Variants in FLII observed in about 807,000 individuals in gnomAD.
The protein encoded by FLII is FLII actin remodeling protein.
A neutral mutation model predicts 156.2 loss-of-function variants in FLII; 101 were observed. The ratio of observed to expected loss-of-function variants is 0.65; its 90% CI spans 0.55 to 0.76. FLII has a LOEUF of 0.76. Among genes scored for constraint, FLII ranks in the 30% least tolerant of loss-of-function variants. The probability of loss-of-function intolerance (pLI) is 0.00; values close to 1 mark genes in which losing one functional copy is unlikely to be tolerated. For synonymous variants in FLII, 767 were observed against 685.8 expected (o/e 1.12, Z -1.85); for missense variants, 1,675 against 1,682.8 (o/e 1.00, Z 0.08).
Position 18,248,654 on chromosome 17 carries a change from C to T in FLII, c.2086G>A (p.Gly696Ser), listed in dbSNP as rs753829803. 3.1e-6 allele frequency: 5 copies of T among 1,614,006 alleles called. No individual in the cohort carries two copies. Among genetic ancestry groups the T allele is most frequent in the Non-Finnish European group, 4.2e-6 (5 of 1,179,966 alleles). ...TCCCAGAACTCTGGGAGCTCCTGGC[C>T]CTGCACCAGCAGTGTGATCTCAGCC... is the stretch of plus-strand genomic sequence containing the variant. ...GKAEITLLVQ[G>S]QELPEFWEAL... The change falls in exon 18 of 30, where the codon GGC (glycine) becomes AGC (serine). Residue 696 changes from glycine to serine, a missense_variant. Coordinates refer to ENST00000327031, the MANE Select transcript of FLII (RefSeq NM_002018.4).
At chr17:18,252,243 TGA>T in intron 10 of FLII, 97 bp from the exon 11 acceptor site, 3 of 1,229,072 alleles carry the variant, frequency 2.4e-6, no homozygotes, top group Non-Finnish European at 3.5e-6. Context: ...CCGCCAGGGC[TGA>T]GAGGTCAGGG....
In FLII at chr17:18,258,536, T is replaced by C; in HGVS notation, c.63+92A>G. The C allele has an allele frequency of 1.3e-6, 2 of 1,516,100 alleles. No homozygotes were observed. Among genetic ancestry groups the C allele is most frequent in the East Asian group, 2.6e-5 (1 of 38,358 alleles). 93.9% of individuals were successfully genotyped at this position (1,516,100 alleles called of 1,614,324 possible). A position where few individuals can be genotyped will look rare whatever the true frequency, so the allele number is the denominator to read the frequency against. On this transcript the variant is annotated intron_variant, in intron 1 of 29. Coordinates refer to ENST00000327031, the MANE Select transcript of FLII (RefSeq NM_002018.4). This position sits in a 1 kb window ranked among gnomAD's most constrained non-coding sequence, Gnocchi z 4.2. Reference sequence around the variant, plus strand: ...CGCAGTCCCTGGGACACGCAGGGCCTGGAGCCGAGCGGGACAGGAAGCGGA... The same window carrying C: ...CGCAGTCCCTGGGACACGCAGGGCCCGGAGCCGAGCGGGACAGGAAGCGGA...
At chr17:18,257,749 AAGGTGTGTACACAGGC>A (rs1327762134) in intron 1 of FLII, among the ~76,000 whole-genome samples, 3 of 152,196 alleles carry the variant, frequency 2.0e-5, no homozygotes, top group Non-Finnish European at 4.4e-5. Context: ...CTTGGGGTCA[AAGGTGTGTACACAGGC>A]AGGTAAACGC....
At chr17:18,245,503 G>C in intron 28 of FLII, 52 bp downstream of exon 28, 1 of 1,611,426 alleles carries the variant, frequency 6.2e-7, no homozygotes, top group Non-Finnish European at 8.5e-7. Flanking sequence ...CCATTTGTAA[G>C]TAAGTCTATG....
In FLII at chr17:18,248,013, G is replaced by A. The variant is rs758658064; in HGVS notation, c.2211C>T (p.Tyr737=). ...KLYKVGLGLG[Y]LELPQINYKL... ...TGTAGTTGATCTGTGGCAGCTCCAG[G>A]TAGCCCAAGCCCAGGCCCACCTGGC... is the stretch of plus-strand genomic sequence containing the variant. The change falls in exon 19 of 30, where the codon TAC becomes TAT. Residue 737 remains tyrosine, a synonymous_variant. Transcript: ENST00000327031. 8.7e-6 allele frequency: 14 copies of A among 1,613,700 alleles called. No individual in the cohort carries two copies. The East Asian group carries it at 3.1e-4, about 36-fold the overall frequency.
At chr17:18,255,061 A>G (rs980724857) in intron 4 of FLII, 122 bp downstream of exon 4, 1 of 939,704 alleles carries the variant, frequency 1.1e-6, no homozygotes, top group Non-Finnish European at 1.8e-6. Context: ...GGTATTATCC[A>G]CTCCAAGACT....
chr17:18,245,230 G>T lies in FLII; in HGVS notation c.3718C>A (p.Arg1240Ser). ...HMRSKEHERP[R>S]RLRLVRKGNE... ...CCCTTGCGGACCAGGCGCAGCCGGC[G>T]CGGCCGCTCATGTTCCTTGGACCGC... Residue 1240 changes from arginine to serine, a missense_variant, in exon 30 of 30, where the codon CGC becomes AGC. By Grantham distance (110) the Arg-to-Ser change is moderately radical (BLOSUM62 -1). Coordinates refer to ENST00000327031, the MANE Select transcript of FLII (RefSeq NM_002018.4). 2 of 1,613,894 alleles carry T rather than the reference G, an allele frequency of 1.2e-6. No homozygotes were observed. The highest frequency in any genetic ancestry group is 1.7e-6 in the Non-Finnish European group (2 of 1,179,890).
intron 20 of FLII, 122 bp downstream of exon 20, chr17:18,247,535 G>C (rs2048118766): frequency 9.1e-7 from 1 of 1,092,922 alleles, no homozygotes; most frequent in Non-Finnish European, 1.3e-6. Context: ...GGCCTGGGCA[G>C]AGTCAGCAAA....
At chr17:18,247,619 A>G in intron 20 of FLII, 38 bp downstream of exon 20, 1 of 1,518,156 alleles carries the variant, frequency 6.6e-7, no homozygotes, top group Non-Finnish European at 8.8e-7. Context: ...CAGGGTGCGA[A>G]GGATCCTGGG....
chr17:18,251,298 C>G lies in FLII; in HGVS notation c.1563G>C (p.Lys521Asn), dbSNP rs1314633580. 6.2e-7 allele frequency: 1 copy of G among 1,613,920 alleles called. No individual in the cohort carries two copies. The highest frequency in any genetic ancestry group is 1.3e-5 in the African/African-American group (1 of 74,958). The stretch of plus-strand genomic sequence containing the variant: ...CAATGTAGCAGTCAGCCTCGTAGAA[C>G]TTGCCGTGGAAGGCTTCCTCCACCA... ...PVLVEEAFHG[K>N]FYEADCYIVL... Residue 521 changes from lysine (K) to asparagine (N), a missense_variant, in exon 13 of 30, where the codon AAG becomes AAC. Physicochemically the swap from Lys to Asn is moderately conservative, Grantham distance 94. This residue lies in a region of FLII where 1,332 missense variants were observed against 1,269.3 expected (regional missense o/e 1.05). Transcript: ENST00000327031.
intron 3 of FLII, 101 bp from the exon 4 acceptor site, chr17:18,255,364 GGCCT>G (rs2048383742): frequency 5.7e-6 from 5 of 879,906 alleles, no homozygotes; most frequent in Non-Finnish European, 9.1e-6. Flanking sequence ...CCAGAGGCCA[GGCCT>G]GAGGACTCTC....
At position 18,248,027 on chromosome 17, in the gene FLII, G is replaced by T; in HGVS notation, c.2197C>A (p.Leu733Met). 6.2e-7 allele frequency: 1 copy of T among 1,611,126 alleles called. No homozygotes were observed. Among genetic ancestry groups the T allele is most frequent in the Non-Finnish European group, 8.5e-7 (1 of 1,177,930 alleles). The stretch of plus-strand genomic sequence containing the variant: ...GGCAGCTCCAGGTAGCCCAAGCCCA[G>T]GCCCACCTGGCAGGAAGGATGAGCA... ...PPQPKLYKVG[L>M]GLGYLELPQI... Residue 733 changes from leucine to methionine, a missense_variant, in exon 19 of 30, where the codon CTG (leucine) becomes ATG (methionine). Around this residue, in one of 2 missense-constraint regions of FLII, gnomAD observed 1,332 missense variants for 1,269.3 expected, o/e 1.05. Coordinates refer to ENST00000327031, the MANE Select transcript of FLII (RefSeq NM_002018.4).
rs2048304585 is a variant in FLII at position 18,252,609 on chromosome 17, T to C, written c.1014-53A>G. 2.0e-5 allele frequency: 30 copies of C among 1,479,286 alleles called. No homozygotes were observed. The Middle Eastern group carries it at 5.1e-4, about 25-fold the overall frequency. The allele number at this position is 1,479,286 out of a possible 1,614,324, so 91.6% of individuals were successfully genotyped here. ...CAGGCAGGTGACAGACAAGGGGAAG[T>C]GGGCAAGAAAACCCCTAGTCCTGGG... On this transcript the variant is annotated intron_variant, in intron 9 of 29. Transcript: ENST00000327031.
rs1184999959 is a variant in FLII, at chr17:18,245,269, A to G, written c.3679T>C (p.Tyr1227His). 1.2e-6 allele frequency: 2 copies of G among 1,612,884 alleles called. No homozygotes were observed. Among genetic ancestry groups the G allele is most frequent in the East Asian group, 4.5e-5 (2 of 44,810 alleles). Reference protein sequence around the residue: ...IKLSLKACQVYIQHMRSKEHE... With the variant: ...IKLSLKACQVHIQHMRSKEHE... ...TCCTTGGACCGCATGTGCTGGATATATACCTGGCAAGGGGACAGCGAGCCT... is the reference window on the plus strand; with the variant it reads ...TCCTTGGACCGCATGTGCTGGATATGTACCTGGCAAGGGGACAGCGAGCCT... Residue 1227 changes from tyrosine to histidine, a missense_variant, in exon 30 of 30, where the codon TAT becomes CAT. Physicochemically the swap from Tyr to His is moderately conservative, Grantham distance 83. This residue lies in a region of FLII where 1,332 missense variants were observed against 1,269.3 expected (regional missense o/e 1.05). Transcript: ENST00000327031.
rs1214252793 is a variant in FLII, at chr17:18,253,695, A to G, written c.704T>C (p.Leu235Pro). 1 of 1,612,680 alleles carries G rather than the reference A, an allele frequency of 6.2e-7. No homozygotes were observed. The highest frequency in any genetic ancestry group is 8.5e-7 in the Non-Finnish European group (1 of 1,179,762). ...GTACAGACACTCGGGCACCCGTGTC[A>G]GGTCATTGCAGGACAGATCCACGTC... ...LADVDLSCND[L>P]TRVPECLYTL... Residue 235 changes from leucine (L) to proline (P), a missense_variant, in exon 8 of 30, where the codon CTG (leucine) becomes CCG (proline). Leu to Pro is a moderately conservative substitution (Grantham distance 98, BLOSUM62 -3). Coordinates refer to ENST00000327031, the MANE Select transcript of FLII (RefSeq NM_002018.4).
chr17:18,245,311 C>T (rs1206730117), intron 29 of FLII, 39 bp from the exon 30 acceptor site: 9 of 1,613,808 alleles, frequency 5.6e-6, no homozygotes, highest in South Asian at 1.1e-5. Context: ...ATGACCCTGC[C>T]CTGCCCACAG....
Position 18,245,952 on chromosome 17 carries a change from G to A in FLII, c.3378C>T (p.Asp1126=), listed in dbSNP as rs1474841039. ...LAEDILNTMF[D]TSYSKQVINE... is the part of the protein sequence containing the mutation. ...TCCTGACCTGCTTGCTGTAGGAGGT[G>A]TCAAACATGGTGTTCAGGATGTCTT... is the stretch of plus-strand genomic sequence containing the variant. The change falls in exon 26 of 30, where the codon GAC becomes GAT. Residue 1126 remains aspartate, a synonymous_variant. Transcript: ENST00000327031. 2 of 1,614,070 alleles carry A rather than the reference G, an allele frequency of 1.2e-6. No homozygotes were observed. Among genetic ancestry groups the A allele is most frequent in the Middle Eastern group, 1.6e-4 (1 of 6,062 alleles).
intron 26 of FLII, 33 bp downstream of exon 26, chr17:18,245,901 T>C: frequency 1.9e-6 from 3 of 1,613,908 alleles, no homozygotes; most frequent in Admixed American, 3.3e-5. Context: ...CTGGCTCCTC[T>C]GTGTGTGCCC....
rs541171234 is a variant in FLII, at chr17:18,250,437, T to C, written c.1776+401A>G. ...CAAGACTGGACTCTGGTCCCGCCCT[T>C]GGCCCCACCTCCTTGGCATCCAGGT... On this transcript the variant is annotated intron_variant, in intron 14 of 29. Transcript: ENST00000327031. 2.0e-5 allele frequency among the ~76,000 whole-genome samples: 3 copies of C among 152,312 alleles called. No individual in the cohort carries two copies. In the East Asian group the frequency reaches 5.8e-4, roughly 29 times the overall value.
Sources: allele counts gnomAD v4.1 joint callset (sites outside exome capture counted in the v4.1 genomes callset), GRCh38; gene constraint gnomAD v4.1.1; regional missense constraint gnomAD v4.1.1; non-coding constraint Gnocchi (gnomAD v3.1); transcripts MANE v1.5; gene names NCBI Gene and HGNC (gene_info 2026-07-23, HGNC 2026-07-21).